KDM2A: variants seen among roughly 807,000 people sequenced by gnomAD.
KDM2A encodes the protein lysine-specific demethylase 2A.
Under a neutral mutation model 137.3 loss-of-function variants are expected in KDM2A, and 3 were observed. The ratio of observed to expected loss-of-function variants is 0.02; its 90% CI spans 0.01 to 0.06. The LOEUF (loss-of-function observed/expected upper bound fraction) is 0.06, where lower values mean the gene tolerates loss of function less well. KDM2A is among the 10% of genes least tolerant of loss of function. KDM2A has a pLI of 1.00. For missense variants in KDM2A, 738 were observed against 1,510.6 expected (o/e 0.49, Z 8.48); for synonymous variants, 512 against 541.5 (o/e 0.95, Z 0.76).
At chr11:67,160,273 T>C (rs1332474146) in intron 2 of KDM2A, among the ~76,000 whole-genome samples, 1 of 152,180 alleles carries the variant, frequency 6.6e-6, no homozygotes, top group Non-Finnish European at 1.5e-5. Context: ...TATTGATGTC[T>C]CTGGGTATGC....
At chr11:67,201,767 C>T (rs1016318218) in intron 5 of KDM2A, among the ~76,000 whole-genome samples, 1 of 84,150 alleles carries the variant, frequency 1.2e-5, no homozygotes, top group African/African-American at 6.7e-5. Flanking sequence ...AGCTAGACTC[C>T]ATCTCAAAAA....
Position 67,180,217 on chromosome 11 carries a change from G to A in KDM2A, c.181G>A (p.Asp61Asn), listed in dbSNP as rs1251742761. The A allele has an allele frequency of 1.2e-6, 2 of 1,613,262 alleles. No individual in the cohort carries two copies. Among genetic ancestry groups the A allele is most frequent in the Admixed American group, 1.7e-5 (1 of 59,864 alleles). ...TTTTGTTACTTTTATGGAAGGAAAA[G>A]GTCAGTATTGTTTTGGTTCCAGCTT... ...ANFVTFMEGK[D>N]FNVEYIQRGG... Residue 61 changes from aspartate to asparagine, a missense_variant and splice_region_variant, in exon 3 of 21, where the codon GAT (aspartate) becomes AAT (asparagine). Transcript: ENST00000529006.
Position 67,254,818 on chromosome 11 carries a change from G to T in KDM2A, c.3308-56G>T. 1 of 1,475,356 alleles carries T rather than the reference G, an allele frequency of 6.8e-7. No homozygotes were observed. The highest frequency in any genetic ancestry group is 1.2e-5 in the South Asian group (1 of 85,668). The allele number at this position is 1,475,356 out of a possible 1,614,324, so 91.4% of individuals were successfully genotyped here. ...GGAAAGACGGCTACAGGAATTGAAT[G>T]GCAGAGGAAAGCTGTGTGTATGTGA... On this transcript the variant is annotated intron_variant, in intron 20 of 20. Coordinates refer to ENST00000529006, the MANE Select transcript of KDM2A (RefSeq NM_012308.3). This position sits in a 1 kb window ranked among gnomAD's most constrained non-coding sequence, Gnocchi z 4.7.
intron 2 of KDM2A, among the ~76,000 whole-genome samples, chr11:67,157,512 A>AG (rs1469697988): frequency 2.6e-5 from 4 of 151,710 alleles, no homozygotes; most frequent in African/African-American, 4.8e-5. Context: ...TGGGAGGCCG[A>AG]GGGGGGCGGA....
At chr11:67,248,139 A>C in intron 15 of KDM2A, 142 bp from the exon 16 acceptor site, 1 of 636,284 alleles carries the variant, frequency 1.6e-6, no homozygotes, top group Non-Finnish European at 2.8e-6. Flanking sequence ...ACCATTGGCT[A>C]TTTGGGGCTG....
intron 5 of KDM2A, among the ~76,000 whole-genome samples, chr11:67,190,045 TAAAC>T (rs1000743530): frequency 2.6e-5 from 4 of 152,262 alleles, no homozygotes; most frequent in Admixed American, 6.5e-5. Context: ...TTTGAAAAGA[TAAAC>T]AAAATTGACA....
intron 16 of KDM2A, 109 bp downstream of exon 16, chr11:67,248,479 G>C: frequency 1.5e-6 from 1 of 686,322 alleles, no homozygotes; most frequent in African/African-American, 1.8e-5. Flanking sequence ...CTCTGACCTA[G>C]GAGATTATTT....
chr11:67,232,384 A>G (rs2136427325), intron 12 of KDM2A, among the ~76,000 whole-genome samples: 1 of 152,360 alleles, frequency 6.6e-6, no homozygotes, highest in South Asian at 2.1e-4. Flanking sequence ...GAGTAGCTTT[A>G]GCCTCTTTAG....
At chr11:67,173,214 G>A (rs1469695606) in intron 2 of KDM2A, among the ~76,000 whole-genome samples, 8 of 152,004 alleles carry the variant, frequency 5.3e-5, no homozygotes, top group Non-Finnish European at 1.2e-4. Flanking sequence ...CCTCTGCCTC[G>A]CGGGTTCAAG....
At chr11:67,145,047 T>C (rs1050635108) in intron 2 of KDM2A, among the ~76,000 whole-genome samples, 1 of 150,740 alleles carries the variant, frequency 6.6e-6, no homozygotes, top group South Asian at 2.1e-4. Flanking sequence ...TTTTTTTGTA[T>C]TTTTAGTAGA....
At position 67,254,521 on chromosome 11, in the gene KDM2A, C is replaced by T; in HGVS notation, c.3307+103C>T. On this transcript the variant is annotated intron_variant, in intron 20 of 20. Transcript: ENST00000529006. This position sits in a 1 kb window ranked among gnomAD's most constrained non-coding sequence, Gnocchi z 4.7. ...ATGACCTTGGGTCTGTTGATTGACC[C>T]ACATCAGCTCATTTCTTCACATCTG... 2 of 945,356 alleles carry T rather than the reference C, an allele frequency of 2.1e-6. No homozygotes were observed. The highest frequency in any genetic ancestry group is 3.4e-6 in the Non-Finnish European group (2 of 594,736). 58.6% of individuals were successfully genotyped at this position (945,356 alleles called of 1,614,324 possible). A position where few individuals can be genotyped will look rare whatever the true frequency, so the allele number is the denominator to read the frequency against.
At chr11:67,228,638 A>G (rs1858617033) in intron 11 of KDM2A, among the ~76,000 whole-genome samples, 1 of 150,730 alleles carries the variant, frequency 6.6e-6, no homozygotes, top group Non-Finnish European at 1.5e-5. Flanking sequence ...TGAGCCGAAG[A>G]TCATGCCACT....
intron 11 of KDM2A, 109 bp downstream of exon 11, chr11:67,228,272 C>G (rs1858606062): frequency 8.1e-7 from 1 of 1,241,560 alleles, no homozygotes; most frequent in Non-Finnish European, 1.1e-6. Flanking sequence ...TTTAATTCAT[C>G]TACTTGGAAG....
At chr11:67,235,713 C>T (rs553130432) in intron 12 of KDM2A, among the ~76,000 whole-genome samples, 2 of 151,820 alleles carry the variant, frequency 1.3e-5, no homozygotes, top group South Asian at 2.1e-4. Context: ...CCTCCACCTC[C>T]TGGGTTCAAG....
intron 2 of KDM2A, among the ~76,000 whole-genome samples, chr11:67,162,974 C>T (rs1052906137): frequency 5.9e-5 from 9 of 152,220 alleles, no homozygotes; most frequent in African/African-American, 2.2e-4. Flanking sequence ...CCTCCCAAAG[C>T]GTTGGGATTA....
At chr11:67,202,715 G>T (rs1189347421) in intron 5 of KDM2A, among the ~76,000 whole-genome samples, 2 of 152,142 alleles carry the variant, frequency 1.3e-5, no homozygotes, top group African/African-American at 4.8e-5. Flanking sequence ...GGCGGAGCTT[G>T]CAGTGAGCCG....
At chr11:67,193,313 G>A (rs1003575644) in intron 5 of KDM2A, among the ~76,000 whole-genome samples, 10 of 152,200 alleles carry the variant, frequency 6.6e-5, no homozygotes, top group Non-Finnish European at 1.2e-4. Flanking sequence ...TCAACAATCT[G>A]ATGGGTATGA....
intron 2 of KDM2A, among the ~76,000 whole-genome samples, chr11:67,133,870 T>G (rs1332050896): frequency 1.3e-5 from 2 of 151,764 alleles, no homozygotes; most frequent in African/African-American, 4.8e-5. Flanking sequence ...ATTTTTGTAT[T>G]TTTAGTAGAG....
At chr11:67,178,012 T>A (rs903785491) in intron 2 of KDM2A, among the ~76,000 whole-genome samples, 8 of 152,220 alleles carry the variant, frequency 5.3e-5, no homozygotes, top group African/African-American at 7.2e-5. Context: ...CATTATACTG[T>A]GCATGACTGT....
Sources: allele counts gnomAD v4.1 joint callset (sites outside exome capture counted in the v4.1 genomes callset), GRCh38; gene constraint gnomAD v4.1.1; non-coding constraint Gnocchi (gnomAD v3.1); transcripts MANE v1.5; gene names NCBI Gene and HGNC (gene_info 2026-07-23, HGNC 2026-07-21).